SLC35B3: variants seen among roughly 807,000 people sequenced by gnomAD.
SLC35B3 encodes solute carrier family 35 member B3, also known as adenosine 3'-phospho 5'-phosphosulfate transporter 2.
A neutral mutation model predicts 44.1 loss-of-function variants in SLC35B3; 35 were observed. The observed-to-expected ratio is 0.79, with a 90% confidence interval of 0.61 to 1.05. The LOEUF (loss-of-function observed/expected upper bound fraction) is 1.05. Among genes scored for constraint, SLC35B3 ranks in the 50% least tolerant of loss-of-function variants. The pLI is 0.00. For synonymous variants in SLC35B3, 146 were observed against 167.3 expected (o/e 0.87, Z 0.98); for missense variants, 414 against 476.4 (o/e 0.87, Z 1.22).
At position 8,430,139 on chromosome 6, in the gene SLC35B3, T is replaced by C. The variant is rs756461612; in HGVS notation, c.22A>G (p.Lys8Glu). ...TGGACTGTTATGTTCTGTATGTCTT[T>C]TGCTTGCTGTGTCAAGTCCTAGAGA... The change falls in exon 3 of 11, where the codon AAA (lysine) becomes GAA (glutamate). Residue 8 changes from lysine to glutamate, a missense_variant. By Grantham distance (56) the Lys-to-Glu change is moderately conservative. Coordinates refer to ENST00000644923, the MANE Select transcript of SLC35B3 (RefSeq NM_001370476.2). 5 of 1,586,148 alleles carry C rather than the reference T, an allele frequency of 3.2e-6. No individual in the cohort carries two copies. In the East Asian group the frequency reaches 1.1e-4, roughly 36 times the overall value.
At chr6:8,421,784 T>C (rs1762911612) in intron 5 of SLC35B3, among the ~76,000 whole-genome samples, 1 of 152,016 alleles carries the variant, frequency 6.6e-6, no homozygotes, top group African/African-American at 2.4e-5. Context: ...CCATGCACAA[T>C]GGAAGTGAAG....
In SLC35B3 at chr6:8,432,840, C is replaced by T. The variant is rs1349948429; in HGVS notation, c.3+1545G>A. On this transcript the variant is annotated intron_variant, in intron 2 of 10. Transcript: ENST00000644923. The surrounding 1 kb of genome is among the most constrained non-coding windows in gnomAD (Gnocchi z 4.8). ...TTTGATGTGCAGCTGGAAATACAGA[C>T]CTGAATTTCCAACGCTGCCTTCTCT... is the stretch of plus-strand genomic sequence containing the variant. 6.6e-6 allele frequency among the ~76,000 whole-genome samples: 1 copy of T among 152,134 alleles called. No individual in the cohort carries two copies. The highest frequency in any genetic ancestry group is 2.4e-5 in the African/African-American group (1 of 41,426).
Position 8,434,446 on chromosome 6 carries a change from A to G in SLC35B3, c.-43-16T>C. 1 of 1,604,924 alleles carries G rather than the reference A, an allele frequency of 6.2e-7. No homozygotes were observed. The highest frequency in any genetic ancestry group is 8.5e-7 in the Non-Finnish European group (1 of 1,175,172). ...CAATCATGGCCTATGGTGTACGATT[A>G]TAAAACAGAAAAAACAAAGTTCCAT... On this transcript the variant is annotated splice_polypyrimidine_tract_variant and intron_variant, in intron 1 of 10. Coordinates refer to ENST00000644923, the MANE Select transcript of SLC35B3 (RefSeq NM_001370476.2). The surrounding 1 kb of genome is among the most constrained non-coding windows in gnomAD (Gnocchi z 6.3).
In SLC35B3 at chr6:8,435,109, G is replaced by A. The variant is rs574987596; in HGVS notation, c.-44+234C>T. 19 of 1,251,760 alleles carry A rather than the reference G, an allele frequency of 1.5e-5. No homozygotes were observed. Among genetic ancestry groups the A allele is most frequent in the Admixed American group, 5.0e-5 (2 of 40,326 alleles). 77.5% of individuals were successfully genotyped at this position (1,251,760 alleles called of 1,614,324 possible). A position where few individuals can be genotyped will look rare whatever the true frequency, so the allele number is the denominator to read the frequency against. On this transcript the variant is annotated intron_variant, in intron 1 of 10. Coordinates refer to ENST00000644923, the MANE Select transcript of SLC35B3 (RefSeq NM_001370476.2). This position sits in a 1 kb window ranked among gnomAD's most constrained non-coding sequence, Gnocchi z 5.5. ...AGTCCACGGATTGGGACCTGAGGGA[G>A]TTCTCGCCAGCCCGAGGGCGAAAAA...
rs1418942807 is a variant in SLC35B3 at position 8,422,638 on chromosome 6, T to A, written c.420-14A>T. 3 of 1,595,608 alleles carry A rather than the reference T, an allele frequency of 1.9e-6. No homozygotes were observed. The highest frequency in any genetic ancestry group is 2.6e-6 in the Non-Finnish European group (3 of 1,172,858). On this transcript the variant is annotated splice_polypyrimidine_tract_variant and intron_variant, in intron 4 of 10. Transcript: ENST00000644923. ...TTTCCTGGTATTCTGTAAAAGACAA[T>A]TTTTAAAACCTTCATTTTGGGACCC...
chr6:8,435,210 C>T lies in SLC35B3; in HGVS notation c.-44+133G>A, dbSNP rs1203712630. 4 of 1,289,048 alleles carry T rather than the reference C, an allele frequency of 3.1e-6. No homozygotes were observed. The highest frequency in any genetic ancestry group is 2.3e-5 in the Admixed American group (1 of 43,532). 79.9% of individuals were successfully genotyped at this position (1,289,048 alleles called of 1,614,324 possible). On this transcript the variant is annotated intron_variant, in intron 1 of 10. Transcript: ENST00000644923. This position sits in a 1 kb window ranked among gnomAD's most constrained non-coding sequence, Gnocchi z 5.5. ...CGCTCTTTCAAAAAAGGGAATCACC[C>T]GTTTCTTCCATCCCGACCTCATCCA...
intron 7 of SLC35B3, among the ~76,000 whole-genome samples, chr6:8,418,516 A>T (rs1395910760): frequency 6.6e-6 from 1 of 151,214 alleles, no homozygotes; most frequent in Non-Finnish European, 1.5e-5. Context: ...TTTCCTATAT[A>T]AAAACCAGTT....
rs959283865 is a variant in SLC35B3 at position 8,419,403 on chromosome 6, G to A, written c.780+177C>T. ...AAAATTTGTCAACTATGCAACAAGC[G>A]GTTAGCACTGCTAGTTGTAGTTTTA... On this transcript the variant is annotated intron_variant, in intron 7 of 10. Transcript: ENST00000644923. The surrounding 1 kb of genome is among the most constrained non-coding windows in gnomAD (Gnocchi z 4.3). Among the ~76,000 whole-genome samples the A allele has an allele frequency of 6.6e-6, 1 of 151,908 alleles. No homozygotes were observed. The highest frequency in any genetic ancestry group is 1.5e-5 in the Non-Finnish European group (1 of 67,904).
intron 9 of SLC35B3, among the ~76,000 whole-genome samples, chr6:8,416,413 C>T (rs1445741985): frequency 6.6e-6 from 1 of 152,136 alleles, no homozygotes; most frequent in African/African-American, 2.4e-5. Flanking sequence ...ACCCTGCACA[C>T]AGCAGGTGCA....
At chr6:8,418,873 T>C (rs559252579) in intron 7 of SLC35B3, 2 of 226,246 alleles carry the variant, frequency 8.8e-6, no homozygotes, top group Admixed American at 4.4e-5. Context: ...GAATAACTAC[T>C]GGTAGTAATA....
intron 9 of SLC35B3, among the ~76,000 whole-genome samples, chr6:8,415,813 G>A (rs528554014): frequency 6.6e-6 from 1 of 152,252 alleles, no homozygotes; most frequent in South Asian, 2.1e-4. Flanking sequence ...GCTACTAGGT[G>A]TGGTCATGTG....
At chr6:8,418,525 T>C (rs965279870) in intron 7 of SLC35B3, among the ~76,000 whole-genome samples, 2 of 147,034 alleles carry the variant, frequency 1.4e-5, no homozygotes, top group African/African-American at 5.1e-5. Context: ...TAAAAACCAG[T>C]TACAAGATAT....
chr6:8,428,127 G>A (rs1763613914), intron 3 of SLC35B3, 69 bp from the exon 3 acceptor site: 1 of 1,334,288 alleles, frequency 7.5e-7, no homozygotes, highest in South Asian at 2.5e-5. Flanking sequence ...TAAATTCTTA[G>A]AAACACAACA....
At chr6:8,426,140 T>C (rs6912399) in intron 4 of SLC35B3, among the ~76,000 whole-genome samples, 77,224 of 151,990 alleles carry the variant, frequency 0.51, 20,790 homozygotes, top group African/African-American at 0.71. Context: ...AGAATAACAA[T>C]AGATACAGAC....
intron 2 of SLC35B3, among the ~76,000 whole-genome samples, chr6:8,430,666 G>T (rs1007678979): frequency 2.6e-5 from 4 of 152,066 alleles, no homozygotes; most frequent in African/African-American, 9.7e-5. Context: ...GGTTGCTTGA[G>T]ACCAGGAGTT....
In SLC35B3 at chr6:8,427,841, G is replaced by A. The variant is rs946532009; in HGVS notation, c.419+96C>T. ...CACTAAGAGTTCGTGCCTATCACAT[G>A]TTTTGTTAATAGAAGTATAAATTTC... is the stretch of plus-strand genomic sequence containing the variant. On this transcript the variant is annotated intron_variant, in intron 4 of 10. Transcript: ENST00000644923. The A allele has an allele frequency of 3.3e-4, 336 of 1,027,262 alleles. 1 individual carries two copies. Among genetic ancestry groups the A allele is most frequent in the Non-Finnish European group, 4.1e-4 (299 of 730,522 alleles). 63.6% of individuals were successfully genotyped at this position (1,027,262 alleles called of 1,614,324 possible).
In SLC35B3 at chr6:8,412,251, T is replaced by G. The variant is rs1217492928; in HGVS notation, c.*1298A>C. The stretch of plus-strand genomic sequence containing the variant: ...CTGTGGGAAATAAATTTCCATTGTT[T>G]ATGAGCTACCCACTTATGGTATTTT... On this transcript the variant is annotated 3_prime_UTR_variant, in exon 11 of 11. Coordinates refer to ENST00000644923, the MANE Select transcript of SLC35B3 (RefSeq NM_001370476.2). Among the ~76,000 whole-genome samples, 2 of 152,196 alleles carry G rather than the reference T, an allele frequency of 1.3e-5. No individual in the cohort carries two copies. Among genetic ancestry groups the G allele is most frequent in the African/African-American group, 4.8e-5 (2 of 41,448 alleles).
rs1045330826 is a variant in SLC35B3, at chr6:8,433,305, C to T, written c.3+1080G>A. 4.6e-5 allele frequency among the ~76,000 whole-genome samples: 7 copies of T among 152,092 alleles called. No homozygotes were observed. The highest frequency in any genetic ancestry group is 1.7e-4 in the African/African-American group (7 of 41,398). ...TCGAAGTTAAAAACGAGTTGATGTC[C>T]TGGACTCAATCATATTATACATATT... On this transcript the variant is annotated intron_variant, in intron 2 of 10. Transcript: ENST00000644923. The surrounding 1 kb of genome is among the most constrained non-coding windows in gnomAD (Gnocchi z 4.1).
chr6:8,416,942 A>G lies in SLC35B3; in HGVS notation c.927T>C (p.Phe309=). ...TCAAAGCCAGAACAAAGGAGATTCC[A>G]AAATATCCAGTGAGGGAAAAAAGGA... The change falls in exon 9 of 11, where the codon TTT becomes TTC. Residue 309 remains phenylalanine, a synonymous_variant. Coordinates refer to ENST00000644923, the MANE Select transcript of SLC35B3 (RefSeq NM_001370476.2). 1 of 1,607,788 alleles carries G rather than the reference A, an allele frequency of 6.2e-7. No homozygotes were observed. The highest frequency in any genetic ancestry group is 8.5e-7 in the Non-Finnish European group (1 of 1,177,232).
Sources: allele counts gnomAD v4.1 joint callset (sites outside exome capture counted in the v4.1 genomes callset), GRCh38; gene constraint gnomAD v4.1.1; non-coding constraint Gnocchi (gnomAD v3.1); transcripts MANE v1.5; gene names NCBI Gene and HGNC (gene_info 2026-07-23, HGNC 2026-07-21).